GPC5: variants seen among roughly 807,000 people sequenced by gnomAD.
The protein encoded by GPC5 is glypican-5.
A neutral mutation model predicts 53.9 loss-of-function variants in GPC5; 47 were observed. The ratio of observed to expected loss-of-function variants is 0.87; its 90% CI spans 0.69 to 1.11. GPC5 has a LOEUF of 1.11. Ranked by LOEUF, GPC5 falls within the 50% of genes most tolerant of loss-of-function variation. The pLI, the probability that GPC5 is intolerant of heterozygous loss-of-function variation, is 0.00. For synonymous variants in GPC5, 286 were observed against 263.3 expected (o/e 1.09, Z -0.84); for missense variants, 748 against 713.1 (o/e 1.05, Z -0.56).
At position 91,638,085 on chromosome 13, in the gene GPC5, G is replaced by A. The variant is rs957616331; in HGVS notation, c.326-55102G>A. ...TGTAGGAAAACAGCAAGGCCCAGAA[G>A]CAATCTCTGTTTTGCCTTTGACATA... is the stretch of plus-strand genomic sequence containing the variant. On this transcript the variant is annotated intron_variant, in intron 2 of 7. Coordinates refer to ENST00000377067, the MANE Select transcript of GPC5 (RefSeq NM_004466.6). Among the ~76,000 whole-genome samples the A allele has an allele frequency of 5.9e-5, 9 of 152,304 alleles. No homozygotes were observed. The East Asian group carries it at 1.5e-3, about 26-fold the overall frequency.
intron 7 of GPC5, among the ~76,000 whole-genome samples, chr13:92,475,603 G>A (rs1371603280): frequency 6.6e-6 from 1 of 151,932 alleles, no homozygotes; most frequent in Non-Finnish European, 1.5e-5. Flanking sequence ...GAGATTTTGG[G>A]CTGAGACAAA....
At chr13:92,382,001 T>A (rs1051195243) in intron 7 of GPC5, among the ~76,000 whole-genome samples, 1 of 149,276 alleles carries the variant, frequency 6.7e-6, no homozygotes, top group Admixed American at 6.8e-5. Flanking sequence ...TATCTATCTA[T>A]CTATATATCT....
At chr13:91,712,338 ATG>A (rs894371104) in intron 3 of GPC5, among the ~76,000 whole-genome samples, 4 of 151,148 alleles carry the variant, frequency 2.6e-5, no homozygotes, top group East Asian at 1.9e-4. Context: ...GTATATATAT[ATG>A]TGTGTGTGTG....
chr13:91,802,753 G>A (rs1290733548), intron 5 of GPC5, among the ~76,000 whole-genome samples: 1 of 152,086 alleles, frequency 6.6e-6, no homozygotes, highest in Non-Finnish European at 1.5e-5. Flanking sequence ...GTGAGTATTA[G>A]CATAATATTA....
At chr13:92,033,799 A>C (rs1211163267) in intron 6 of GPC5, among the ~76,000 whole-genome samples, 1 of 152,176 alleles carries the variant, frequency 6.6e-6, no homozygotes. Flanking sequence ...CATTCCCTTC[A>C]GTAGGAACTG....
chr13:91,884,182 AG>A (rs1407268062), intron 5 of GPC5, among the ~76,000 whole-genome samples: 1 of 152,178 alleles, frequency 6.6e-6, no homozygotes, highest in East Asian at 1.9e-4. Context: ...TGTGGAAGAC[AG>A]TGTGGTGGTT....
intron 6 of GPC5, among the ~76,000 whole-genome samples, chr13:92,131,005 A>G (rs1175163993): frequency 6.6e-6 from 1 of 152,036 alleles, no homozygotes; most frequent in African/African-American, 2.4e-5. Context: ...ATCAATTTGA[A>G]AAATTCAGAA....
intron 6 of GPC5, among the ~76,000 whole-genome samples, chr13:91,945,212 T>C (rs2039963590): frequency 6.6e-6 from 1 of 152,232 alleles, no homozygotes; most frequent in Non-Finnish European, 1.5e-5. Context: ...TATTCTTTTC[T>C]CACTTACACC....
rs138313696 is a variant in GPC5 at position 92,800,984 on chromosome 13, A to G, written c.1562-65298A>G. Among the ~76,000 whole-genome samples the G allele has an allele frequency of 1.1e-3, 173 of 151,774 alleles. 1 individual carries two copies. The highest frequency in any genetic ancestry group is 4.1e-3 in the African/African-American group (169 of 41,474). On this transcript the variant is annotated intron_variant, in intron 7 of 7. Transcript: ENST00000377067. The stretch of plus-strand genomic sequence containing the variant: ...ATAAGACCATTTCAAAATTTACGAA[A>G]TTCTCCCTAATTATTCTTGGTTTCT...
At chr13:92,083,697 C>T (rs60282431) in intron 6 of GPC5, among the ~76,000 whole-genome samples, 17,268 of 152,104 alleles carry the variant, frequency 0.11, 1,237 homozygotes, top group Admixed American at 0.18. Flanking sequence ...GGTATATACC[C>T]AGTAATGGGA....
rs111356940 is a variant in GPC5 at position 91,794,669 on chromosome 13, A to G, written c.1280+38249A>G. On this transcript the variant is annotated intron_variant, in intron 5 of 7. Transcript: ENST00000377067. ...TAAAATAAATATTTAAACAGCTACAATAAATTAGGTCTAGGGTCTAACGTC... is the reference window on the plus strand; with the variant it reads ...TAAAATAAATATTTAAACAGCTACAGTAAATTAGGTCTAGGGTCTAACGTC... Among the ~76,000 whole-genome samples the G allele has an allele frequency of 6.6e-3, 1,013 of 152,352 alleles. 12 individuals carry two copies. Among genetic ancestry groups the G allele is most frequent in the African/African-American group, 0.023 (959 of 41,584 alleles).
intron 2 of GPC5, among the ~76,000 whole-genome samples, chr13:91,668,635 T>TA (rs1322135089): frequency 2.0e-5 from 3 of 151,732 alleles, no homozygotes; most frequent in African/African-American, 7.3e-5. Context: ...TTTTAATCTC[T>TA]AAAAAAAAGA....
chr13:92,842,534 A>T (rs2138834951), intron 7 of GPC5, among the ~76,000 whole-genome samples: 1 of 152,262 alleles, frequency 6.6e-6, no homozygotes, highest in South Asian at 2.1e-4. Context: ...ATAACATTTA[A>T]AAATGGCCCA....
intron 7 of GPC5, among the ~76,000 whole-genome samples, chr13:92,329,112 T>TA (rs2043271616): frequency 6.6e-6 from 1 of 152,138 alleles, no homozygotes; most frequent in Non-Finnish European, 1.5e-5. Flanking sequence ...CAAGCAGTTA[T>TA]AGTCATCCTT....
intron 7 of GPC5, among the ~76,000 whole-genome samples, chr13:92,773,987 T>C (rs1372677224): frequency 6.6e-6 from 1 of 152,150 alleles, no homozygotes; most frequent in African/African-American, 2.4e-5. Flanking sequence ...CTCCCATTTA[T>C]AAAACCATCA....
chr13:91,463,567 G>A (rs1882062429), intron 2 of GPC5, among the ~76,000 whole-genome samples: 1 of 152,104 alleles, frequency 6.6e-6, no homozygotes, highest in South Asian at 2.1e-4. Context: ...TACAGCTATA[G>A]TAATTAAACA....
intron 5 of GPC5, among the ~76,000 whole-genome samples, chr13:91,810,764 A>G (rs2138803175): frequency 6.6e-6 from 1 of 152,022 alleles, no homozygotes; most frequent in South Asian, 2.1e-4. Context: ...TACAATATAA[A>G]CTTTTCCATA....
chr13:91,533,830 C>T (rs61585165), intron 2 of GPC5, among the ~76,000 whole-genome samples: 47 of 152,152 alleles, frequency 3.1e-4, no homozygotes, highest in African/African-American at 1.1e-3. Context: ...TGATTTAGAG[C>T]CATCTACAAC....
chr13:91,846,244 A>G (rs1314977839), intron 5 of GPC5, among the ~76,000 whole-genome samples: 1 of 152,076 alleles, frequency 6.6e-6, no homozygotes, highest in Non-Finnish European at 1.5e-5. Flanking sequence ...ATATACAGTC[A>G]TATTGATTTT....
Sources: gnomAD v4.1 joint callset for allele counts (sites outside exome capture counted in the v4.1 genomes callset) on GRCh38, gnomAD v4.1.1 for gene constraint, MANE v1.5 for transcripts, NCBI Gene and HGNC (gene_info 2026-07-23, HGNC 2026-07-21) for gene names.